The following DIS3L2 variants were observed in gnomAD, a reference collection of about 807,000 sequenced individuals.
The protein encoded by DIS3L2 is DIS3 like 3'-5' exoribonuclease 2, also known as DIS3-like exonuclease 2.
A neutral mutation model predicts 97.5 loss-of-function variants in DIS3L2; 34 were observed. The ratio of observed to expected loss-of-function variants is 0.35; its 90% CI spans 0.27 to 0.46. The LOEUF (loss-of-function observed/expected upper bound fraction) is 0.46, where lower values mean the gene tolerates loss of function less well. Ranked by LOEUF, DIS3L2 falls within the 20% of genes least tolerant of loss-of-function variation. The probability of loss-of-function intolerance (pLI) is 1.00; values close to 1 mark genes in which losing one functional copy is unlikely to be tolerated. For missense variants in DIS3L2, 1,038 were observed against 1,146.0 expected (o/e 0.91, Z 1.36); for synonymous variants, 435 against 445.2 (o/e 0.98, Z 0.29).
At chr2:231,991,634 G>A (rs1219937341) in intron 1 of DIS3L2, among the ~76,000 whole-genome samples, 2 of 152,112 alleles carry the variant, frequency 1.3e-5, no homozygotes, top group Non-Finnish European at 1.5e-5. Context: ...TTCCATCAGG[G>A]TATATCATAT....
chr2:232,058,535 A>G (rs1395406670), intron 5 of DIS3L2, among the ~76,000 whole-genome samples: 2 of 152,126 alleles, frequency 1.3e-5, no homozygotes, highest in African/African-American at 4.8e-5. Flanking sequence ...ACAAATGTCT[A>G]CTATGCCTAA....
chr2:232,300,164 C>T, intron 14 of DIS3L2, 45 bp downstream of exon 14: 1 of 1,576,102 alleles, frequency 6.3e-7, no homozygotes, highest in Non-Finnish European at 8.7e-7. Flanking sequence ...ATGTGTGCAG[C>T]AGTGGTGCCT....
At chr2:231,975,036 TG>T (rs1173311686) in intron 1 of DIS3L2, among the ~76,000 whole-genome samples, 1 of 152,172 alleles carries the variant, frequency 6.6e-6, no homozygotes, top group Non-Finnish European at 1.5e-5. Context: ...AACAAATACT[TG>T]GGTATAGAGT....
chr2:232,255,772 TA>T (rs771188123), intron 12 of DIS3L2, among the ~76,000 whole-genome samples: 1 of 152,164 alleles, frequency 6.6e-6, no homozygotes, highest in Non-Finnish European at 1.5e-5. Context: ...TGTACAGGAT[TA>T]GTCAGGACCT....
chr2:232,156,946 A>C (rs944151831), intron 8 of DIS3L2, among the ~76,000 whole-genome samples: 1 of 152,218 alleles, frequency 6.6e-6, no homozygotes, highest in African/African-American at 2.4e-5. Flanking sequence ...GAATCAGAAG[A>C]AACTGTGTTT....
At chr2:232,231,056 C>G (rs1199072643) in intron 10 of DIS3L2, among the ~76,000 whole-genome samples, 1 of 152,174 alleles carries the variant, frequency 6.6e-6, no homozygotes, top group Non-Finnish European at 1.5e-5. Flanking sequence ...AAAATAGGCT[C>G]CAGACATTCG....
At chr2:231,989,451 G>A (rs1194050588) in intron 1 of DIS3L2, among the ~76,000 whole-genome samples, 1 of 151,944 alleles carries the variant, frequency 6.6e-6, no homozygotes, top group Non-Finnish European at 1.5e-5. Flanking sequence ...GATGATGAAT[G>A]TATGGTAGTT....
intron 5 of DIS3L2, among the ~76,000 whole-genome samples, chr2:232,053,751 T>C (rs1209899011): frequency 6.6e-6 from 1 of 152,208 alleles, no homozygotes. Flanking sequence ...TGGAGGGGCA[T>C]GGAGCTGCCA....
At chr2:232,170,173 AG>A (rs1345420486) in intron 9 of DIS3L2, among the ~76,000 whole-genome samples, 2 of 152,188 alleles carry the variant, frequency 1.3e-5, no homozygotes, top group Admixed American at 6.5e-5. Context: ...AACTGCTTAA[AG>A]GGGGGTTGCA....
At chr2:232,112,539 A>G (rs1172405728) in intron 6 of DIS3L2, among the ~76,000 whole-genome samples, 1 of 152,184 alleles carries the variant, frequency 6.6e-6, no homozygotes, top group East Asian at 1.9e-4. Flanking sequence ...TGGTAAATAC[A>G]GTCTGCTCTT....
At chr2:232,186,450 T>C (rs1691436262) in intron 9 of DIS3L2, among the ~76,000 whole-genome samples, 1 of 152,178 alleles carries the variant, frequency 6.6e-6, no homozygotes, top group Admixed American at 6.5e-5. Flanking sequence ...GCCCAGATGG[T>C]TTCACTGGAG....
At chr2:232,110,258 G>A (rs547370362) in intron 6 of DIS3L2, among the ~76,000 whole-genome samples, 1 of 152,200 alleles carries the variant, frequency 6.6e-6, no homozygotes, top group South Asian at 2.1e-4. Flanking sequence ...GTGTAAATTA[G>A]TTCAATCATT....
intron 1 of DIS3L2, among the ~76,000 whole-genome samples, chr2:232,008,972 T>C (rs1363476610): frequency 6.6e-6 from 1 of 152,258 alleles, no homozygotes; most frequent in East Asian, 1.9e-4. Flanking sequence ...TGGTTATTTC[T>C]TCTGCCAGCT....
At chr2:232,157,563 T>C (rs966722536) in intron 8 of DIS3L2, among the ~76,000 whole-genome samples, 2 of 152,204 alleles carry the variant, frequency 1.3e-5, no homozygotes, top group African/African-American at 2.4e-5. Context: ...AGGATTGTGG[T>C]GTTTACATAA....
At chr2:232,073,234 G>GT in intron 5 of DIS3L2, among the ~76,000 whole-genome samples, 1 of 152,280 alleles carries the variant, frequency 6.6e-6, no homozygotes, top group Non-Finnish European at 1.5e-5. Context: ...TGGCAAGTGA[G>GT]TGCTGTCATT....
At chr2:232,327,504 G>A (rs1463131324) in intron 14 of DIS3L2, among the ~76,000 whole-genome samples, 1 of 152,240 alleles carries the variant, frequency 6.6e-6, no homozygotes, top group African/African-American at 2.4e-5. Context: ...ACGCATGATT[G>A]TGTGCATCTG....
At position 232,293,412 on chromosome 2, in the gene DIS3L2, C is replaced by T. The variant is rs1049828029; in HGVS notation, c.1660-6628C>T. ...CCCTTGGATTCTCTGGGGGAAATAC[C>T]TCTGGCATTCCAGCGAAGGGGAAAA... On this transcript the variant is annotated intron_variant, in intron 13 of 20. Transcript: ENST00000325385. This position sits in a 1 kb window ranked among gnomAD's most constrained non-coding sequence, Gnocchi z 4.6. Among the ~76,000 whole-genome samples the T allele has an allele frequency of 1.3e-5, 2 of 152,178 alleles. No individual in the cohort carries two copies. Among genetic ancestry groups the T allele is most frequent in the Non-Finnish European group, 2.9e-5 (2 of 68,028 alleles).
chr2:232,261,471 T>C (rs1446666116), intron 12 of DIS3L2, among the ~76,000 whole-genome samples: 1 of 152,120 alleles, frequency 6.6e-6, no homozygotes, highest in African/African-American at 2.4e-5. Context: ...ACCTGGTGCT[T>C]CCCAGGTTTT....
At chr2:232,116,491 T>C (rs1697716473) in intron 6 of DIS3L2, among the ~76,000 whole-genome samples, 2 of 152,236 alleles carry the variant, frequency 1.3e-5, no homozygotes, top group Admixed American at 6.5e-5. Context: ...TGATTCTTCT[T>C]TGGATCACTC....
Sources: gnomAD v4.1 joint callset for allele counts (sites outside exome capture counted in the v4.1 genomes callset) on GRCh38, gnomAD v4.1.1 for gene constraint, Gnocchi (gnomAD v3.1) non-coding constraint, MANE v1.5 for transcripts, NCBI Gene and HGNC (gene_info 2026-07-23, HGNC 2026-07-21) for gene names.